The following PEX5L variants were observed in gnomAD, a reference collection of about 807,000 sequenced individuals.
PEX5L encodes the protein peroxisomal biogenesis factor 5 like.
A neutral mutation model predicts 84.0 loss-of-function variants in PEX5L; 30 were observed. That is an observed-to-expected ratio of 0.36 (90% CI 0.27 to 0.48). PEX5L has a LOEUF of 0.48. Among genes scored for constraint, PEX5L ranks in the 20% least tolerant of loss-of-function variants. The probability of loss-of-function intolerance (pLI) is 0.99; values close to 1 mark genes in which losing one functional copy is unlikely to be tolerated. For missense variants in PEX5L, 533 were observed against 754.6 expected, an observed-to-expected ratio of 0.71 and a Z score of 3.44; for synonymous variants, 270 against 283.1, an observed-to-expected ratio of 0.95 and a Z score of 0.46.
At chr3:179,960,045 T>A (rs1781623157) in intron 2 of PEX5L, among the ~76,000 whole-genome samples, 1 of 152,178 alleles carries the variant, frequency 6.6e-6, no homozygotes, top group Non-Finnish European at 1.5e-5. Context: ...ATGTTTTGCT[T>A]ATTTTTTTTC....
intron 2 of PEX5L, among the ~76,000 whole-genome samples, chr3:179,960,164 G>T (rs1011210199): frequency 1.3e-5 from 2 of 152,126 alleles, no homozygotes; most frequent in African/African-American, 2.4e-5. Flanking sequence ...TCTCCAAGGG[G>T]CCAGCCTTGG....
rs890649251 is a variant in PEX5L at position 179,820,044 on chromosome 3, C to T, written c.823-68G>A. ...GCCACATCATCTGTGTTTTTCTTCCCCCCCTAATAGATAAAAGAGGCTTCT... is the reference window on the plus strand; with the variant it reads ...GCCACATCATCTGTGTTTTTCTTCCTCCCCTAATAGATAAAAGAGGCTTCT... On this transcript the variant is annotated intron_variant, in intron 8 of 14. Transcript: ENST00000467460. 7 of 1,603,918 alleles carry T rather than the reference C, an allele frequency of 4.4e-6. No individual in the cohort carries two copies. The East Asian group carries it at 1.3e-4, about 31-fold the overall frequency.
chr3:179,923,290 C>CAAAAAAAAAA (rs34537913), intron 2 of PEX5L, among the ~76,000 whole-genome samples: 1 of 81,082 alleles, frequency 1.2e-5, no homozygotes, highest in African/African-American at 5.1e-5. Flanking sequence ...GACTCCATCT[C>CAAAAAAAAAA]AAAAAAAAAA....
In PEX5L at chr3:179,815,887, TTGC is replaced by T; in HGVS notation, c.1054_1056del (p.Ala352del). The T allele has an allele frequency of 6.2e-7, 1 of 1,614,182 alleles. No homozygotes were observed. Among genetic ancestry groups the T allele is most frequent in the Non-Finnish European group, 8.5e-7 (1 of 1,180,040 alleles). On this transcript the variant is annotated inframe_deletion, in exon 10 of 15. Transcript: ENST00000467460. ...TCTGCATCTCCAGGGTCCTGAAGAATTGCTGCTTCCATGAACAGGATGGTGACT... is the reference window on the plus strand; with the variant it reads ...TCTGCATCTCCAGGGTCCTGAAGAATTGCTTCCATGAACAGGATGGTGACT...
At chr3:179,912,594 T>G (rs1446424325) in intron 2 of PEX5L, among the ~76,000 whole-genome samples, 2 of 152,120 alleles carry the variant, frequency 1.3e-5, no homozygotes, top group Non-Finnish European at 2.9e-5. Flanking sequence ...CTGAAGCTAT[T>G]CCTATAAACA....
intron 14 of PEX5L, among the ~76,000 whole-genome samples, chr3:179,805,272 T>A (rs1720858747): frequency 1.3e-5 from 2 of 150,830 alleles, no homozygotes; most frequent in South Asian, 4.2e-4. Flanking sequence ...AGTAGCCAAC[T>A]GAGTAGTGTT....
chr3:179,857,091 A>C (rs1744287949), intron 8 of PEX5L, among the ~76,000 whole-genome samples: 1 of 152,194 alleles, frequency 6.6e-6, no homozygotes. Context: ...AGTAACTTGA[A>C]GCCTTCTAGG....
At chr3:179,830,973 C>T (rs1732626394) in intron 8 of PEX5L, among the ~76,000 whole-genome samples, 4 of 152,090 alleles carry the variant, frequency 2.6e-5, no homozygotes, top group South Asian at 2.1e-4. Context: ...GCATTCATCT[C>T]GGGGCTATTA....
chr3:179,880,414 A>G (rs905317630), intron 4 of PEX5L, among the ~76,000 whole-genome samples: 2 of 152,276 alleles, frequency 1.3e-5, no homozygotes, highest in South Asian at 2.1e-4. Context: ...TTCAGGTGCT[A>G]TTTACTTTAT....
chr3:179,998,373 G>C lies in PEX5L; in HGVS notation c.22-26708C>G, dbSNP rs192610010. Among the ~76,000 whole-genome samples, 38 of 152,330 alleles carry C rather than the reference G, an allele frequency of 2.5e-4. No homozygotes were observed. The East Asian group carries it at 6.4e-3, about 26-fold the overall frequency. On this transcript the variant is annotated intron_variant, in intron 1 of 14. Coordinates refer to ENST00000467460, the MANE Select transcript of PEX5L (RefSeq NM_016559.3). ...AGGAAAAGGCTTTGCAACAGGTCCA[G>C]GCTGCCGTGCAAGTTGCTCTGCCAC...
intron 2 of PEX5L, among the ~76,000 whole-genome samples, chr3:179,954,589 C>A (rs1018904641): frequency 6.6e-6 from 1 of 151,988 alleles, no homozygotes; most frequent in African/African-American, 2.4e-5. Flanking sequence ...AGGCATTGTG[C>A]AGTAACTACT....
chr3:179,847,357 C>G (rs1739919183), intron 8 of PEX5L, among the ~76,000 whole-genome samples: 1 of 151,758 alleles, frequency 6.6e-6, no homozygotes, highest in African/African-American at 2.4e-5. Flanking sequence ...ACTGGAGAAC[C>G]CCGACTAATA....
intron 2 of PEX5L, among the ~76,000 whole-genome samples, chr3:179,923,683 A>T (rs1398272102): frequency 6.6e-6 from 1 of 152,220 alleles, no homozygotes; most frequent in African/African-American, 2.4e-5. Flanking sequence ...TTTCCCACTT[A>T]GTAGCAGTAT....
intron 2 of PEX5L, among the ~76,000 whole-genome samples, chr3:179,953,077 C>CT (rs1779540971): frequency 6.6e-6 from 1 of 151,360 alleles, no homozygotes; most frequent in Admixed American, 6.6e-5. Flanking sequence ...GAACCCCTTC[C>CT]TTACCCCTTA....
chr3:179,887,626 G>T, intron 4 of PEX5L, 47 bp downstream of exon 4: 1 of 1,214,112 alleles, frequency 8.2e-7, no homozygotes, highest in Non-Finnish European at 1.2e-6. Flanking sequence ...TTTTACTATA[G>T]TTAAAATTAA....
rs1283721089 is a variant in PEX5L at position 179,874,792 on chromosome 3, C to T, written c.630-369G>A. Reference sequence around the variant, plus strand: ...GGGGAAGAAACTTCCCAAAAAGTGTCTCAGGAGAGATTTTATCTTTATATA... The same window carrying T: ...GGGGAAGAAACTTCCCAAAAAGTGTTTCAGGAGAGATTTTATCTTTATATA... On this transcript the variant is annotated intron_variant, in intron 6 of 14. Transcript: ENST00000467460. 3.3e-5 allele frequency among the ~76,000 whole-genome samples: 3 copies of T among 89,654 alleles called. No individual in the cohort carries two copies. In the Admixed American group the frequency reaches 5.4e-4, roughly 16 times the overall value. The allele number at this position is 89,654 out of a possible 152,430, so 58.8% of individuals were successfully genotyped here.
At chr3:179,933,696 G>C (rs553755091) in intron 2 of PEX5L, among the ~76,000 whole-genome samples, 2 of 152,318 alleles carry the variant, frequency 1.3e-5, no homozygotes, top group Admixed American at 1.3e-4. Context: ...TGAGTGATGG[G>C]GAGAGAGGCA....
intron 1 of PEX5L, among the ~76,000 whole-genome samples, chr3:179,976,653 G>T (rs1785828435): frequency 6.6e-6 from 1 of 152,152 alleles, no homozygotes; most frequent in Admixed American, 6.5e-5. Context: ...GGCCAGGATG[G>T]TCTCAAACTC....
chr3:179,872,307 T>C (rs1750675816), intron 7 of PEX5L, among the ~76,000 whole-genome samples: 1 of 152,224 alleles, frequency 6.6e-6, no homozygotes. Context: ...ATTTTCCTAA[T>C]TTAACCATAG....
Sources: gnomAD v4.1 joint callset for allele counts (sites outside exome capture counted in the v4.1 genomes callset) on GRCh38, gnomAD v4.1.1 for gene constraint, MANE v1.5 for transcripts, NCBI Gene and HGNC (gene_info 2026-07-23, HGNC 2026-07-21) for gene names.